Variants in BASP1 observed in about 807,000 individuals in gnomAD.
The protein encoded by BASP1 is brain abundant membrane attached signal protein 1.
In BASP1, 1 loss-of-function variant was observed where a neutral mutation model predicts 2.2. That is an observed-to-expected ratio of 0.46 (90% CI 0.16 to 2.17). The LOEUF (loss-of-function observed/expected upper bound fraction) is 2.17. Ranked by LOEUF, BASP1 falls within the 30% of genes most tolerant of loss-of-function variation. BASP1 has a pLI of 0.27. For synonymous variants in BASP1, 187 were observed against 154.2 expected, an observed-to-expected ratio of 1.21 and a Z score of -1.58; for missense variants, 352 against 327.2, an observed-to-expected ratio of 1.08 and a Z score of -0.58.
chr5:17,267,210 C>T (rs1740431754), intron 1 of BASP1, among the ~76,000 whole-genome samples: 1 of 152,184 alleles, frequency 6.6e-6, no homozygotes, highest in African/African-American at 2.4e-5. Flanking sequence ...TCTTGCAAGG[C>T]AGGACCACCA....
chr5:17,240,375 A>G (rs1459958229), intron 1 of BASP1, among the ~76,000 whole-genome samples: 1 of 152,034 alleles, frequency 6.6e-6, no homozygotes, highest in African/African-American at 2.4e-5. Flanking sequence ...TCTCTACTGA[A>G]AAATACAAAA....
intron 1 of BASP1, among the ~76,000 whole-genome samples, chr5:17,231,188 A>G (rs763965037): frequency 3.3e-5 from 5 of 152,194 alleles, no homozygotes; most frequent in Non-Finnish European, 5.9e-5. Flanking sequence ...TGCAGTGTCT[A>G]TTTTCAATGC....
At chr5:17,265,263 T>C (rs936375129) in intron 1 of BASP1, among the ~76,000 whole-genome samples, 3 of 152,168 alleles carry the variant, frequency 2.0e-5, no homozygotes, top group Non-Finnish European at 4.4e-5. Flanking sequence ...AGAAGGGCAA[T>C]GGTATATTGG....
intron 1 of BASP1, among the ~76,000 whole-genome samples, chr5:17,269,826 T>A (rs1740494004): frequency 1.3e-5 from 2 of 152,340 alleles, no homozygotes; most frequent in South Asian, 4.1e-4. Context: ...TTAGCCAAGA[T>A]AAGCTGTAGA....
intron 1 of BASP1, among the ~76,000 whole-genome samples, chr5:17,269,899 C>T (rs552488327): frequency 6.0e-4 from 92 of 152,270 alleles, no homozygotes; most frequent in Non-Finnish European, 9.6e-4. Flanking sequence ...ATTGGGATTC[C>T]TTTTCCATCT....
At chr5:17,237,217 G>A (rs891996549) in intron 1 of BASP1, among the ~76,000 whole-genome samples, 1 of 152,114 alleles carries the variant, frequency 6.6e-6, no homozygotes, top group Middle Eastern at 3.2e-3. Flanking sequence ...GGTGGTGGGC[G>A]CCTGTAGTCC....
chr5:17,233,895 G>A (rs185586020), intron 1 of BASP1, among the ~76,000 whole-genome samples: 14 of 152,192 alleles, frequency 9.2e-5, no homozygotes, highest in East Asian at 1.9e-4. Flanking sequence ...TTGGGAGGCC[G>A]AGGCGGACAG....
At chr5:17,255,716 G>C (rs759439807) in intron 1 of BASP1, among the ~76,000 whole-genome samples, 9 of 149,646 alleles carry the variant, frequency 6.0e-5, no homozygotes, top group Non-Finnish European at 8.9e-5. Context: ...TTGCCAGCTT[G>C]TATAAATCAG....
intron 1 of BASP1, among the ~76,000 whole-genome samples, chr5:17,261,093 A>T (rs1740303644): frequency 6.6e-6 from 1 of 152,266 alleles, no homozygotes; most frequent in Non-Finnish European, 1.5e-5. Context: ...ATGACCAAAG[A>T]TGGATGGTTT....
Position 17,220,646 on chromosome 5 carries a change from G to A in BASP1, c.-10+2836G>A, listed in dbSNP as rs113745054. ...CTGGTACTCAGTCTGCCATTGTGAC[G>A]TGTAGAAGAGAACCTTATCTCCCCA... On this transcript the variant is annotated intron_variant, in intron 1 of 1. Coordinates refer to ENST00000322611, the MANE Select transcript of BASP1 (RefSeq NM_006317.5). Among the ~76,000 whole-genome samples the A allele has an allele frequency of 2.1e-3, 317 of 152,218 alleles. 2 individuals are homozygous for A. The highest frequency in any genetic ancestry group is 7.2e-3 in the African/African-American group (299 of 41,542).
chr5:17,226,564 C>T (rs1739511718), intron 1 of BASP1, among the ~76,000 whole-genome samples: 1 of 152,190 alleles, frequency 6.6e-6, no homozygotes, highest in African/African-American at 2.4e-5. Flanking sequence ...AGAAAGGTTT[C>T]CTCGGAGTTA....
intron 1 of BASP1, among the ~76,000 whole-genome samples, chr5:17,221,631 A>G (rs1164734433): frequency 6.6e-6 from 1 of 152,138 alleles, no homozygotes; most frequent in Non-Finnish European, 1.5e-5. Context: ...GAAAATGGGC[A>G]TGGAATCTTT....
chr5:17,262,716 G>T (rs1308771215), intron 1 of BASP1, among the ~76,000 whole-genome samples: 1 of 151,936 alleles, frequency 6.6e-6, no homozygotes, highest in Admixed American at 6.6e-5. Flanking sequence ...TCTTGATAAC[G>T]TTTGACTTAC....
intron 1 of BASP1, among the ~76,000 whole-genome samples, chr5:17,256,205 G>A (rs1740207142): frequency 6.6e-6 from 1 of 152,166 alleles, no homozygotes; most frequent in African/African-American, 2.4e-5. Flanking sequence ...AAAGATTTAG[G>A]AGCCTGCCTA....
chr5:17,270,562 T>A (rs771723356), intron 1 of BASP1, among the ~76,000 whole-genome samples: 40 of 152,246 alleles, frequency 2.6e-4, no homozygotes, highest in Admixed American at 4.6e-4. Flanking sequence ...GGAGCATGCA[T>A]GGAACACATA....
rs1472316721 is a variant in BASP1 at position 17,275,755 on chromosome 5, C to A, written c.539C>A (p.Ala180Asp). ...SDSKPGSSEA[A>D]PSSKETPAAT... ...TCAAAACCCGGCAGCTCGGAGGCTG[C>A]CCCCTCTTCCAAGGAGACCCCCGCA... is the stretch of plus-strand genomic sequence containing the variant. The change falls in exon 2 of 2, where the codon GCC becomes GAC. Residue 180 changes from alanine (A) to aspartate (D), a missense_variant. Physicochemically the swap from Ala to Asp is moderately radical, Grantham distance 126. Coordinates refer to ENST00000322611, the MANE Select transcript of BASP1 (RefSeq NM_006317.5). This position sits in a 1 kb window ranked among gnomAD's most constrained non-coding sequence, Gnocchi z 5.3. 1 of 1,612,120 alleles carries A rather than the reference C, an allele frequency of 6.2e-7. No homozygotes were observed. Among genetic ancestry groups the A allele is most frequent in the Non-Finnish European group, 8.5e-7 (1 of 1,179,414 alleles).
At chr5:17,218,017 G>C (rs961091037) in intron 1 of BASP1, among the ~76,000 whole-genome samples, 57 of 151,834 alleles carry the variant, frequency 3.8e-4, no homozygotes, top group Non-Finnish European at 4.4e-5. Flanking sequence ...GGGGGGCCCA[G>C]AAGTGGGAGG....
intron 1 of BASP1, among the ~76,000 whole-genome samples, chr5:17,220,897 T>C (rs1739382008): frequency 6.6e-6 from 1 of 152,204 alleles, no homozygotes; most frequent in African/African-American, 2.4e-5. Context: ...AGAGAGAAAC[T>C]TTCATTTGGA....
chr5:17,250,020 G>A (rs1450443809), intron 1 of BASP1, among the ~76,000 whole-genome samples: 2 of 152,102 alleles, frequency 1.3e-5, no homozygotes, highest in Admixed American at 1.3e-4. Context: ...TCAGCTCACT[G>A]TAACCTCCGC....
Sources: gnomAD v4.1 joint callset for allele counts (sites outside exome capture counted in the v4.1 genomes callset) on GRCh38, gnomAD v4.1.1 for gene constraint, Gnocchi (gnomAD v3.1) non-coding constraint, MANE v1.5 for transcripts, NCBI Gene and HGNC (gene_info 2026-07-23, HGNC 2026-07-21) for gene names.